Variants in MYO16 observed in about 807,000 individuals in gnomAD.
MYO16 encodes the protein myosin XVI, also known as unconventional myosin-XVI.
A neutral mutation model predicts 205.3 loss-of-function variants in MYO16; 94 were observed. The ratio of observed to expected loss-of-function variants is 0.46; its 90% CI spans 0.39 to 0.54. MYO16 has a LOEUF of 0.54. Ranked by LOEUF, MYO16 falls within the 20% of genes least tolerant of loss-of-function variation. The pLI, the probability that MYO16 is intolerant of heterozygous loss-of-function variation, is 0.00. For missense variants in MYO16, 2,315 were observed against 2,387.5 expected (o/e 0.97, Z 0.63); for synonymous variants, 988 against 954.0 (o/e 1.04, Z -0.66).
chr13:108,523,928 A>G, the MYO16 span, among the ~76,000 whole-genome samples: 2 of 152,210 alleles, frequency 1.3e-5, no homozygotes, highest in African/African-American at 4.8e-5. Flanking sequence ...TGGATTTCTC[A>G]TGAATGGTTT....
intron 4 of MYO16, among the ~76,000 whole-genome samples, chr13:108,728,860 C>G (rs531530892): frequency 6.6e-6 from 1 of 152,188 alleles, no homozygotes; most frequent in African/African-American, 2.4e-5. Flanking sequence ...TCTTCCCCCC[C>G]TCTTAAAATT....
intron 2 of MYO16, among the ~76,000 whole-genome samples, chr13:108,675,221 A>G (rs571444315): frequency 7.9e-5 from 12 of 152,284 alleles, no homozygotes; most frequent in Admixed American, 2.0e-4. Context: ...CCACATACAT[A>G]CCTACATCAG....
intron 2 of MYO16, among the ~76,000 whole-genome samples, chr13:108,667,585 G>T (rs74510755): frequency 7.2e-5 from 11 of 152,234 alleles, no homozygotes; most frequent in African/African-American, 2.4e-4. Flanking sequence ...ATGCCCATTA[G>T]GGTCATTGCT....
intron 10 of MYO16, among the ~76,000 whole-genome samples, chr13:108,852,103 CCTCTT>C (rs1185312751): frequency 6.6e-6 from 1 of 152,194 alleles, no homozygotes; most frequent in Non-Finnish European, 1.5e-5. Context: ...GTCAACGTGA[CCTCTT>C]CAAAGACGAC....
chr13:108,540,725 C>T, the MYO16 span, among the ~76,000 whole-genome samples: 1 of 152,064 alleles, frequency 6.6e-6, no homozygotes, highest in Non-Finnish European at 1.5e-5. Flanking sequence ...TTCACCATAA[C>T]ATGAGTGCTG....
chr13:108,860,398 T>C (rs2139112506), intron 11 of MYO16, among the ~76,000 whole-genome samples: 1 of 152,324 alleles, frequency 6.6e-6, no homozygotes, highest in East Asian at 1.9e-4. Flanking sequence ...TCTTTCTTTA[T>C]CCAATCTGTC....
At chr13:108,876,680 T>G (rs1215994389) in intron 12 of MYO16, among the ~76,000 whole-genome samples, 2 of 151,860 alleles carry the variant, frequency 1.3e-5, no homozygotes, top group Non-Finnish European at 2.9e-5. Context: ...TTTTTTTTTT[T>G]TTTTGAGATG....
At chr13:108,595,482 A>G (rs1345540550), upstream of MYO16, among the ~76,000 whole-genome samples, 1 of 152,214 alleles carries the variant, frequency 6.6e-6, no homozygotes, top group Admixed American at 6.5e-5. Context: ...TACATCCCTA[A>G]GTGATTGATT....
chr13:108,809,213 C>T (rs1243724387), intron 7 of MYO16, among the ~76,000 whole-genome samples: 2 of 152,204 alleles, frequency 1.3e-5, no homozygotes, highest in Non-Finnish European at 2.9e-5. Flanking sequence ...TTAAGAAACA[C>T]TTCCCAACTA....
In MYO16 at chr13:109,140,453, C is replaced by T. The variant is rs1160823588; in HGVS notation, c.4241C>T (p.Pro1414Leu). The T allele has an allele frequency of 6.5e-7, 1 of 1,542,650 alleles. No individual in the cohort carries two copies. Among genetic ancestry groups the T allele is most frequent in the Admixed American group, 1.9e-5 (1 of 51,966 alleles). The part of the protein sequence containing the change: ...AAARVLTPGT[P>L]QCALPPAAPP... ...GCGCGCGTTCTGACCCCCGGGACTCCGCAGTGCGCGCTGCCCCCGGCGGCG... is the reference window on the plus strand; with the variant it reads ...GCGCGCGTTCTGACCCCCGGGACTCTGCAGTGCGCGCTGCCCCCGGCGGCG... The change falls in exon 32 of 35, where the codon CCG (proline) becomes CTG (leucine). Residue 1414 changes from proline to leucine, a missense_variant. Physicochemically the swap from Pro to Leu is moderately conservative, Grantham distance 98. Around this residue, in one of 3 missense-constraint regions of MYO16, gnomAD observed 1,097 missense variants for 1,092.0 expected, o/e 1.00. Coordinates refer to ENST00000457511, the MANE Select transcript of MYO16 (RefSeq NM_001198950.3). The surrounding 1 kb of genome is among the most constrained non-coding windows in gnomAD (Gnocchi z 8.0).
chr13:108,518,679 A>T, the MYO16 span, among the ~76,000 whole-genome samples: 3 of 152,210 alleles, frequency 2.0e-5, no homozygotes, highest in African/African-American at 7.2e-5. Flanking sequence ...TGAAGAAGTG[A>T]TAAAGTCAAA....
chr13:109,047,050 T>G, intron 24 of MYO16, 59 bp downstream of exon 24: 2 of 1,236,796 alleles, frequency 1.6e-6, no homozygotes, highest in Non-Finnish European at 2.4e-6. Context: ...CCGTTATTTC[T>G]TTATCTCTGA....
intron 4 of MYO16, among the ~76,000 whole-genome samples, chr13:108,754,809 T>G (rs1566588486): frequency 6.6e-6 from 1 of 152,136 alleles, no homozygotes; most frequent in Non-Finnish European, 1.5e-5. Flanking sequence ...ATCCCTTTCC[T>G]CAAGAAGCAT....
chr13:108,959,981 A>AAG (rs1185730563), intron 17 of MYO16, among the ~76,000 whole-genome samples: 1 of 151,766 alleles, frequency 6.6e-6, no homozygotes. Flanking sequence ...TAAAGGAAAA[A>AAG]AAAAAAAAAA....
At chr13:109,117,057 T>C (rs1191754952) in intron 28 of MYO16, among the ~76,000 whole-genome samples, 5 of 152,152 alleles carry the variant, frequency 3.3e-5, no homozygotes, top group Non-Finnish European at 7.4e-5. Context: ...GTAGGCCAGT[T>C]TCACCCCATG....
intron 14 of MYO16, among the ~76,000 whole-genome samples, chr13:108,897,458 C>T (rs2027257): frequency 0.98 from 148,752 of 152,236 alleles, 72,770 homozygotes; most frequent in East Asian, 1. Flanking sequence ...GGAGTTTCAC[C>T]GCTGCCCTGT....
At chr13:109,164,867 A>C in intron 32 of MYO16, 34 bp from the exon 33 acceptor site, 2 of 1,370,164 alleles carry the variant, frequency 1.5e-6, no homozygotes, top group Non-Finnish European at 2.0e-6. Flanking sequence ...ACATGTTATC[A>C]GAAAATAATT....
At chr13:109,206,209 T>A (rs1282532610) in intron 34 of MYO16, among the ~76,000 whole-genome samples, 1 of 152,060 alleles carries the variant, frequency 6.6e-6, no homozygotes, top group Non-Finnish European at 1.5e-5. Flanking sequence ...GCTCCGAGGA[T>A]GGAGTGACGC....
chr13:109,100,969 C>T, intron 28 of MYO16, 82 bp downstream of exon 28: 1 of 1,238,386 alleles, frequency 8.1e-7, no homozygotes. Context: ...CCACCAGAAT[C>T]TTCCTGGCAA....
Sources: gnomAD v4.1 joint callset for allele counts (sites outside exome capture counted in the v4.1 genomes callset) on GRCh38, gnomAD v4.1.1 for gene constraint, gnomAD v4.1.1 regional missense constraint, Gnocchi (gnomAD v3.1) non-coding constraint, MANE v1.5 for transcripts, NCBI Gene and HGNC (gene_info 2026-07-23, HGNC 2026-07-21) for gene names.